PAM: variants seen among roughly 807,000 people sequenced by gnomAD.
PAM encodes peptidylglycine alpha-amidating monooxygenase.
PAM carries 72 observed loss-of-function variants against 122.1 expected under a neutral mutation model. The ratio of observed to expected loss-of-function variants is 0.59; its 90% CI spans 0.49 to 0.72. The LOEUF is 0.72. PAM is among the 30% of genes least tolerant of loss of function. The pLI, the probability that PAM is intolerant of heterozygous loss-of-function variation, is 0.00. For missense variants in PAM, 1,106 were observed against 1,183.7 expected (o/e 0.93, Z 0.96); for synonymous variants, 389 against 404.4 (o/e 0.96, Z 0.46).
At chr5:102,798,367 G>A (rs1273466901) in intron 1 of PAM, among the ~76,000 whole-genome samples, 2 of 152,192 alleles carry the variant, frequency 1.3e-5, no homozygotes, top group East Asian at 3.8e-4. Context: ...TGCATTTAAA[G>A]CATAATTTCT....
At chr5:102,798,481 A>C (rs1470412605) in intron 1 of PAM, among the ~76,000 whole-genome samples, 2 of 152,228 alleles carry the variant, frequency 1.3e-5, no homozygotes, top group Non-Finnish European at 2.9e-5. Flanking sequence ...CTTGTATAGT[A>C]GATGTCTTTT....
intron 5 of PAM, among the ~76,000 whole-genome samples, chr5:102,920,577 C>A (rs1055101469): frequency 2.0e-5 from 3 of 152,060 alleles, no homozygotes; most frequent in Non-Finnish European, 4.4e-5. Flanking sequence ...GGAAAATATT[C>A]TATGGGTTTA....
intron 16 of PAM, among the ~76,000 whole-genome samples, chr5:103,002,243 AT>A (rs914532801): frequency 1.3e-5 from 2 of 152,156 alleles, no homozygotes; most frequent in East Asian, 3.8e-4. Flanking sequence ...AATTTAAGAA[AT>A]TATATTACTA....
chr5:102,881,969 A>T (rs1254327440), intron 3 of PAM, among the ~76,000 whole-genome samples: 1 of 147,738 alleles, frequency 6.8e-6, no homozygotes, highest in Non-Finnish European at 1.5e-5. Context: ...CTTCACTTGG[A>T]ATAAAGGTCT....
At chr5:102,905,367 G>C (rs1799227772) in intron 4 of PAM, among the ~76,000 whole-genome samples, 1 of 151,600 alleles carries the variant, frequency 6.6e-6, no homozygotes, top group South Asian at 2.1e-4. Context: ...CTACATAAAT[G>C]AGATAGAAGC....
chr5:102,836,564 G>A (rs1404647787), intron 1 of PAM, among the ~76,000 whole-genome samples: 2 of 152,094 alleles, frequency 1.3e-5, no homozygotes, highest in African/African-American at 2.4e-5. Context: ...GTAGGGAATG[G>A]TTCTGAGGTA....
intron 4 of PAM, among the ~76,000 whole-genome samples, chr5:102,908,763 G>C (rs1800476405): frequency 6.6e-6 from 1 of 151,072 alleles, no homozygotes; most frequent in South Asian, 2.1e-4. Flanking sequence ...TCTTTGCCCT[G>C]GAAAAAAAAA....
intron 1 of PAM, among the ~76,000 whole-genome samples, chr5:102,825,318 C>T (rs1773272780): frequency 6.6e-6 from 1 of 152,100 alleles, no homozygotes; most frequent in Non-Finnish European, 1.5e-5. Context: ...GGCTTTCAAT[C>T]TAAAACTAAA....
intron 1 of PAM, among the ~76,000 whole-genome samples, chr5:102,864,946 C>T (rs1209909572): frequency 6.6e-6 from 1 of 152,080 alleles, no homozygotes; most frequent in East Asian, 1.9e-4. Context: ...TCTTATAAAA[C>T]GTTGAGCTGT....
rs565814024 is a variant in PAM, at chr5:103,022,043, G to A, written c.2485+2200G>A. Among the ~76,000 whole-genome samples, 3 of 151,788 alleles carry A rather than the reference G, an allele frequency of 2.0e-5. No homozygotes were observed. In the South Asian group the frequency reaches 6.2e-4, roughly 32 times the overall value. ...GAAAAGGATTAAACTTTCTAATAAA[G>A]TTACTAGAGATAAAACAGGTATAGC... On this transcript the variant is annotated intron_variant, in intron 23 of 25. Coordinates refer to ENST00000438793, the MANE Select transcript of PAM (RefSeq NM_001177306.2).
intron 5 of PAM, among the ~76,000 whole-genome samples, chr5:102,923,741 T>C (rs533660707): frequency 6.6e-6 from 1 of 152,250 alleles, no homozygotes; most frequent in African/African-American, 2.4e-5. Flanking sequence ...GAGGTTTCCA[T>C]ATAGGAACTG....
intron 15 of PAM, among the ~76,000 whole-genome samples, chr5:102,979,764 GATTA>G (rs1562117071): frequency 3.3e-5 from 5 of 151,854 alleles, no homozygotes; most frequent in African/African-American, 9.7e-5. Flanking sequence ...TCTTTTTCAT[GATTA>G]ATTGATGCAA....
chr5:102,786,000 T>A (rs748657158), intron 1 of PAM, among the ~76,000 whole-genome samples: 11 of 152,236 alleles, frequency 7.2e-5, no homozygotes, highest in Non-Finnish European at 1.3e-4. Context: ...TTATATGAAG[T>A]TATTTTTAAT....
downstream of PAM, chr5:103,030,162 CAGA>C (rs779350163): frequency 6.6e-6 from 1 of 152,126 alleles, no homozygotes; most frequent in Non-Finnish European, 1.5e-5. Context: ...GGAGGCCAAG[CAGA>C]AGGATTGTTT....
rs1378904882 is a variant in PAM, at chr5:102,949,544, T to A, written c.651T>A (p.Asn217Lys). The change falls in exon 10 of 26, where the codon AAT becomes AAA. Residue 217 changes from asparagine (N) to lysine (K), a missense_variant. Physicochemically the swap from Asn to Lys is moderately conservative, Grantham distance 94. This residue lies in a region of PAM where 670 missense variants were observed against 690.3 expected (regional missense o/e 0.97). Coordinates refer to ENST00000438793, the MANE Select transcript of PAM (RefSeq NM_001177306.2). Reference sequence around the variant, plus strand: ...TGTTTTCATTTCCCACAGTGGTGAATTCTGACATTTCATGCCATTATAAAA... The same window carrying A: ...TGTTTTCATTTCCCACAGTGGTGAAATCTGACATTTCATGCCATTATAAAA... ...TVIPAGEKVV[N>K]SDISCHYKNY... 1 of 1,505,208 alleles carries A rather than the reference T, an allele frequency of 6.6e-7. No individual in the cohort carries two copies. Among genetic ancestry groups the A allele is most frequent in the East Asian group, 2.3e-5 (1 of 44,228 alleles). 93.2% of individuals were successfully genotyped at this position (1,505,208 alleles called of 1,614,324 possible).
chr5:103,028,614 GAT>G (rs1236538731), intron 25 of PAM, among the ~76,000 whole-genome samples: 1 of 152,144 alleles, frequency 6.6e-6, no homozygotes, highest in Admixed American at 6.5e-5. Flanking sequence ...GCTAGTTCTG[GAT>G]AGAGAGCTAG....
intron 1 of PAM, among the ~76,000 whole-genome samples, chr5:102,824,454 G>A (rs1772997947): frequency 6.6e-6 from 1 of 152,154 alleles, no homozygotes; most frequent in Non-Finnish European, 1.5e-5. Flanking sequence ...TAGTCATTTT[G>A]TATTTAAACT....
intron 7 of PAM, among the ~76,000 whole-genome samples, chr5:102,940,485 C>CTATA (rs146618518): frequency 2.9e-4 from 42 of 144,720 alleles, no homozygotes; most frequent in East Asian, 8.1e-4. Flanking sequence ...GTATATAATG[C>CTATA]TATATATATA....
chr5:102,814,956 C>T (rs1432280319), intron 1 of PAM, among the ~76,000 whole-genome samples: 1 of 151,978 alleles, frequency 6.6e-6, no homozygotes, highest in Non-Finnish European at 1.5e-5. Context: ...CATGCACACA[C>T]ACGCACCCCC....
Sources: gnomAD v4.1 joint callset for allele counts (sites outside exome capture counted in the v4.1 genomes callset) on GRCh38, gnomAD v4.1.1 for gene constraint, gnomAD v4.1.1 regional missense constraint, MANE v1.5 for transcripts, NCBI Gene and HGNC (gene_info 2026-07-23, HGNC 2026-07-21) for gene names.